The following PCDHGB2 variants were observed in gnomAD, a reference collection of about 807,000 sequenced individuals.
PCDHGB2 encodes protocadherin gamma subfamily B, 2.
Under a neutral mutation model 59.3 loss-of-function variants are expected in PCDHGB2, and 55 were observed. That is an observed-to-expected ratio of 0.93 (90% CI 0.75 to 1.16). The LOEUF is 1.16. Among genes scored for constraint, PCDHGB2 ranks in the 50% most tolerant of loss-of-function variants. The probability of loss-of-function intolerance (pLI) is 0.00; values close to 1 mark genes in which losing one functional copy is unlikely to be tolerated. For missense variants in PCDHGB2, 1,228 were observed against 1,198.5 expected, an observed-to-expected ratio of 1.02 and a Z score of -0.36; for synonymous variants, 516 against 512.0, an observed-to-expected ratio of 1.01 and a Z score of -0.11.
intron 1 of PCDHGB2, among the ~76,000 whole-genome samples, chr5:141,373,570 G>C (rs1011552232): frequency 1.3e-5 from 2 of 152,200 alleles, no homozygotes; most frequent in Non-Finnish European, 1.5e-5. Context: ...AATGGGACTA[G>C]CATAAATGGT....
Position 141,361,222 on chromosome 5 carries a change from G to A in PCDHGB2, c.1087G>A (p.Gly363Arg). The change falls in exon 1 of 4, where the codon GGA (glycine) becomes AGA (arginine). Residue 363 changes from glycine (G) to arginine (R), a missense_variant. Physicochemically the swap from Gly to Arg is moderately radical, Grantham distance 125 (BLOSUM62 -2). Around this residue, in one of 3 missense-constraint regions of PCDHGB2, gnomAD observed 781 missense variants for 721.6 expected, o/e 1.08. Transcript: ENST00000522605. ...STPLPEDSPP[G>R]TVIALIKTRD... is the part of the protein sequence containing the mutation. The stretch of plus-strand genomic sequence containing the variant: ...TCCCCTACCGGAGGATTCGCCACCA[G>A]GAACAGTGATCGCCTTGATAAAAAC... 6.2e-7 allele frequency: 1 copy of A among 1,613,958 alleles called. No homozygotes were observed. The highest frequency in any genetic ancestry group is 8.5e-7 in the Non-Finnish European group (1 of 1,179,890).
chr5:141,447,235 G>T (rs1458489257), intron 1 of PCDHGB2, among the ~76,000 whole-genome samples: 1 of 152,084 alleles, frequency 6.6e-6, no homozygotes, highest in Non-Finnish European at 1.5e-5. Flanking sequence ...CGCCTCCCGG[G>T]TTCAAGTGAT....
At position 141,360,633 on chromosome 5, in the gene PCDHGB2, A is replaced by G; in HGVS notation, c.498A>G (p.Ser166=). ...TGGATTCAGATGTTGGTCCTAACTC[A>G]CTACAAAGATACCACCTTAATGACA... is the stretch of plus-strand genomic sequence containing the variant. ...PALDSDVGPN[S]LQRYHLNDNE... The change falls in exon 1 of 4, where the codon TCA becomes TCG. Residue 166 remains serine (S), a synonymous_variant. Coordinates refer to ENST00000522605, the MANE Select transcript of PCDHGB2 (RefSeq NM_018923.3). 1.2e-6 allele frequency: 2 copies of G among 1,614,028 alleles called. No individual in the cohort carries two copies. The highest frequency in any genetic ancestry group is 1.7e-6 in the Non-Finnish European group (2 of 1,179,898).
intron 1 of PCDHGB2, chr5:141,382,993 C>A (rs762865747): frequency 6.2e-7 from 1 of 1,613,660 alleles, no homozygotes; most frequent in South Asian, 1.1e-5. Context: ...AGGACGTATT[C>A]TCTACTCCGT....
chr5:141,365,977 C>A (rs1374916355), intron 1 of PCDHGB2: 5 of 1,614,110 alleles, frequency 3.1e-6, no homozygotes, highest in African/African-American at 2.7e-5. Context: ...TGTCGCTGAG[C>A]CTGTTTGTGC....
chr5:141,460,979 GTGTGTATATATATATA>G (rs2099004425), intron 1 of PCDHGB2, among the ~76,000 whole-genome samples: 1 of 134,290 alleles, frequency 7.4e-6, no homozygotes, highest in Non-Finnish European at 1.5e-5. Flanking sequence ...GTGTGTGTGT[GTGTGTATATATATATA>G]TGTGTATATA....
intron 1 of PCDHGB2, chr5:141,394,883 A>G (rs370442493): frequency 1.2e-6 from 2 of 1,611,604 alleles, no homozygotes; most frequent in African/African-American, 2.7e-5. Context: ...CGAGCCTTAC[A>G]CTCTATCTCG....
At chr5:141,377,605 C>CAAAA (rs71576112) in intron 1 of PCDHGB2, 1 of 140,670 alleles carries the variant, frequency 7.1e-6, no homozygotes. Flanking sequence ...CTCTCTCTCT[C>CAAAA]AAAAAAAAAA....
intron 1 of PCDHGB2, among the ~76,000 whole-genome samples, chr5:141,463,088 C>T (rs768488458): frequency 6.6e-6 from 1 of 152,108 alleles, no homozygotes; most frequent in Non-Finnish European, 1.5e-5. Flanking sequence ...ATTTTCCAGC[C>T]CTATGTGACC....
intron 1 of PCDHGB2, chr5:141,365,060 C>T (rs750087491): frequency 1.2e-6 from 2 of 1,613,874 alleles, no homozygotes; most frequent in Admixed American, 1.7e-5. Context: ...CCTGTTCACC[C>T]CATCCGAGTA....
intron 1 of PCDHGB2, among the ~76,000 whole-genome samples, chr5:141,464,886 A>T (rs541933775): frequency 5.2e-4 from 79 of 152,156 alleles, no homozygotes; most frequent in African/African-American, 1.9e-3. Flanking sequence ...CTACAGATGG[A>T]TGCCACCATG....
intron 1 of PCDHGB2, among the ~76,000 whole-genome samples, chr5:141,434,451 A>C (rs145324240): frequency 6.6e-6 from 1 of 152,210 alleles, no homozygotes; most frequent in Non-Finnish European, 1.5e-5. Context: ...GCTGGAAGGT[A>C]GTGGGTTTAC....
intron 1 of PCDHGB2, chr5:141,420,929 G>A (rs1321290902): frequency 1.4e-5 from 5 of 362,196 alleles, no homozygotes; most frequent in Non-Finnish European, 2.5e-5. Flanking sequence ...AAAGGTGAGC[G>A]TAATCATTTC....
chr5:141,392,671 C>A, intron 1 of PCDHGB2: 1 of 875,408 alleles, frequency 1.1e-6, no homozygotes, highest in Non-Finnish European at 1.7e-6. Context: ...AAACTAACTG[C>A]TGGACTGCAG....
chr5:141,364,339 T>A, intron 1 of PCDHGB2: 1 of 1,532,912 alleles, frequency 6.5e-7, no homozygotes. Context: ...CAATGGCGAG[T>A]CCACCTAGGG....
intron 1 of PCDHGB2, chr5:141,419,343 A>G: frequency 6.2e-7 from 1 of 1,613,806 alleles, no homozygotes; most frequent in East Asian, 2.2e-5. Flanking sequence ...ATTGCCAGCG[A>G]CCTGGAGTCA....
Position 141,361,811 on chromosome 5 carries a change from C to T in PCDHGB2, c.1676C>T (p.Ala559Val). 1.2e-6 allele frequency: 2 copies of T among 1,613,098 alleles called. No individual in the cohort carries two copies. The highest frequency in any genetic ancestry group is 1.7e-6 in the Non-Finnish European group (2 of 1,179,740). ...RVLVGDLNDNAPRVLYPALGP... is the reference protein window; with the variant it reads ...RVLVGDLNDNVPRVLYPALGP... ...TTAGTGGGCGACCTCAATGACAATG[C>T]GCCACGGGTGCTGTACCCCGCGCTG... The change falls in exon 1 of 4, where the codon GCG becomes GTG. Residue 559 changes from alanine to valine, a missense_variant. Ala to Val is a moderately conservative substitution (Grantham distance 64, BLOSUM62 0). Around this residue, in one of 3 missense-constraint regions of PCDHGB2, gnomAD observed 781 missense variants for 721.6 expected, o/e 1.08. Transcript: ENST00000522605.
intron 1 of PCDHGB2, chr5:141,383,588 T>C: frequency 6.2e-7 from 1 of 1,613,646 alleles, no homozygotes; most frequent in Non-Finnish European, 8.5e-7. Context: ...CACATCCAGG[T>C]GACAGTGGTG....
intron 1 of PCDHGB2, chr5:141,374,105 C>T: frequency 6.4e-7 from 1 of 1,572,258 alleles, no homozygotes; most frequent in Non-Finnish European, 8.6e-7. Flanking sequence ...GCAGAGGCAT[C>T]CGCAGCGCAG....
Sources: gnomAD v4.1 joint callset for allele counts (sites outside exome capture counted in the v4.1 genomes callset) on GRCh38, gnomAD v4.1.1 for gene constraint, gnomAD v4.1.1 regional missense constraint, MANE v1.5 for transcripts, NCBI Gene and HGNC (gene_info 2026-07-23, HGNC 2026-07-21) for gene names.